Variants in NTF3 observed in about 807,000 individuals in gnomAD.
NTF3 encodes the protein neurotrophin 3.
A neutral mutation model predicts 26.3 loss-of-function variants in NTF3; 8 were observed. That is an observed-to-expected ratio of 0.30 (90% CI 0.18 to 0.55). NTF3 has a LOEUF of 0.55. Ranked by LOEUF, NTF3 falls within the 20% of genes least tolerant of loss-of-function variation. The pLI, the probability that NTF3 is intolerant of heterozygous loss-of-function variation, is 0.93. For synonymous variants in NTF3, 154 were observed against 145.5 expected (o/e 1.06, Z -0.42); for missense variants, 276 against 352.9 (o/e 0.78, Z 1.75).
chr12:5,466,414 AG>A (rs1386859711), intron 1 of NTF3, among the ~76,000 whole-genome samples: 2 of 152,210 alleles, frequency 1.3e-5, no homozygotes, highest in African/African-American at 4.8e-5. Flanking sequence ...CCAGCCTGCA[AG>A]GATAATGCTA....
chr12:5,458,946 A>G (rs968342797), intron 1 of NTF3, among the ~76,000 whole-genome samples: 3 of 152,110 alleles, frequency 2.0e-5, no homozygotes, highest in African/African-American at 4.8e-5. Context: ...CCCTTCTTCT[A>G]TTTTATAGGA....
At chr12:5,437,749 G>A (rs1040533827) in intron 1 of NTF3, among the ~76,000 whole-genome samples, 1 of 152,216 alleles carries the variant, frequency 6.6e-6, no homozygotes, top group African/African-American at 2.4e-5. Flanking sequence ...TTAAAAATGA[G>A]TTTGTTGGAA....
rs1413116082 is a variant in NTF3 at position 5,466,606 on chromosome 12, A to G, written c.19-27588A>G. Among the ~76,000 whole-genome samples, 5 of 152,216 alleles carry G rather than the reference A, an allele frequency of 3.3e-5. No homozygotes were observed. In the East Asian group the frequency reaches 9.6e-4, roughly 29 times the overall value. ...GACAAGCAAAGGGATAAGAGGGGAA[A>G]TGGGAACTCGAAATCTGCTCAAATG... On this transcript the variant is annotated intron_variant, in intron 1 of 1. Transcript: ENST00000423158.
chr12:5,473,941 G>A (rs550022165), intron 1 of NTF3, among the ~76,000 whole-genome samples: 2 of 152,236 alleles, frequency 1.3e-5, no homozygotes, highest in Non-Finnish European at 2.9e-5. Context: ...CCTCACATGC[G>A]CATCTTCAGT....
rs1292737628 is a variant in NTF3 at position 5,432,281 on chromosome 12, T to G, written c.-44T>G. 2 of 1,612,854 alleles carry G rather than the reference T, an allele frequency of 1.2e-6. No individual in the cohort carries two copies. Among genetic ancestry groups the G allele is most frequent in the Admixed American group, 3.3e-5 (2 of 60,004 alleles). ...TTGAATGACCGAGCTCGCGTCCACCTTTCTCTTCATGTCGACGTCCCTGGA... is the reference window on the plus strand; with the variant it reads ...TTGAATGACCGAGCTCGCGTCCACCGTTCTCTTCATGTCGACGTCCCTGGA... On this transcript the variant is annotated 5_prime_UTR_variant, in exon 1 of 2. Transcript: ENST00000423158.
At chr12:5,492,591 C>CT (rs1940951515) in intron 1 of NTF3, among the ~76,000 whole-genome samples, 1 of 152,208 alleles carries the variant, frequency 6.6e-6, no homozygotes, top group Non-Finnish European at 1.5e-5. Flanking sequence ...AGAGTCATCT[C>CT]TAAGGGTGAG....
At chr12:5,450,641 C>A (rs1480729723) in intron 1 of NTF3, among the ~76,000 whole-genome samples, 2 of 152,196 alleles carry the variant, frequency 1.3e-5, no homozygotes, top group Non-Finnish European at 2.9e-5. Context: ...GGGAACAGTG[C>A]TCAGCCCTCT....
At chr12:5,447,434 T>C (rs1357938080) in intron 1 of NTF3, among the ~76,000 whole-genome samples, 2 of 152,236 alleles carry the variant, frequency 1.3e-5, no homozygotes, top group Non-Finnish European at 2.9e-5. Flanking sequence ...AAAAATGTTC[T>C]TCAGGCTATT....
chr12:5,474,138 G>T (rs1027472649), intron 1 of NTF3, among the ~76,000 whole-genome samples: 14 of 152,214 alleles, frequency 9.2e-5, no homozygotes, highest in African/African-American at 3.4e-4. Flanking sequence ...CATATTTCAG[G>T]CTTCTTAAGA....
intron 1 of NTF3, among the ~76,000 whole-genome samples, chr12:5,466,189 C>T (rs1052579473): frequency 6.6e-6 from 1 of 152,220 alleles, no homozygotes; most frequent in African/African-American, 2.4e-5. Flanking sequence ...CAGAGCTTTA[C>T]ATCCATCCTT....
rs908199313 is a variant in NTF3 at position 5,470,073 on chromosome 12, C to T, written c.19-24121C>T. On this transcript the variant is annotated intron_variant, in intron 1 of 1. Transcript: ENST00000423158. ...CTGAGTAGCTGGGACTACAGGTGCC[C>T]GCCACCATGCCTGGCTAATTTTTTG... 5.9e-5 allele frequency among the ~76,000 whole-genome samples: 9 copies of T among 152,194 alleles called. No homozygotes were observed. The South Asian group carries it at 1.5e-3, about 25-fold the overall frequency.
intron 1 of NTF3, among the ~76,000 whole-genome samples, chr12:5,489,646 G>A (rs902823498): frequency 2.0e-5 from 3 of 152,306 alleles, no homozygotes; most frequent in East Asian, 3.9e-4. Context: ...CTTCACACAT[G>A]TGCAGCAAGA....
chr12:5,461,604 C>T (rs1234816337), intron 1 of NTF3, among the ~76,000 whole-genome samples: 1 of 152,050 alleles, frequency 6.6e-6, no homozygotes, highest in Non-Finnish European at 1.5e-5. Context: ...ACCACCCTCC[C>T]GCCATGTCCT....
intron 1 of NTF3, among the ~76,000 whole-genome samples, chr12:5,471,547 C>T (rs1387579914): frequency 1.3e-5 from 2 of 152,200 alleles, no homozygotes; most frequent in South Asian, 4.2e-4. Flanking sequence ...GAGGCAGCTT[C>T]GGTGCTGGCT....
At chr12:5,451,925 C>T (rs894019300) in intron 1 of NTF3, among the ~76,000 whole-genome samples, 10 of 152,014 alleles carry the variant, frequency 6.6e-5, no homozygotes, top group African/African-American at 1.9e-4. Flanking sequence ...ACTCCTGGCC[C>T]GAAGCAATCC....
intron 1 of NTF3, among the ~76,000 whole-genome samples, chr12:5,487,366 G>C (rs1321310449): frequency 6.6e-6 from 1 of 152,228 alleles, no homozygotes; most frequent in Non-Finnish European, 1.5e-5. Flanking sequence ...GAAACTCACA[G>C]CTTTCTATCT....
Position 5,456,275 on chromosome 12 carries a change from G to A in NTF3, c.18+23933G>A, listed in dbSNP as rs1323105563. Among the ~76,000 whole-genome samples the A allele has an allele frequency of 1.3e-5, 2 of 152,120 alleles. No homozygotes were observed. Among genetic ancestry groups the A allele is most frequent in the African/African-American group, 4.8e-5 (2 of 41,430 alleles). ...CACATTTCCAAATGCCCTTTAGTAG[G>A]GCAGTGACAGCCCTTTTGAGAATCA... On this transcript the variant is annotated intron_variant, in intron 1 of 1. Coordinates refer to ENST00000423158, the MANE Select transcript of NTF3 (RefSeq NM_001102654.2). This position sits in a 1 kb window ranked among gnomAD's most constrained non-coding sequence, Gnocchi z 4.4.
chr12:5,452,681 T>C (rs1326274253), intron 1 of NTF3, among the ~76,000 whole-genome samples: 1 of 152,170 alleles, frequency 6.6e-6, no homozygotes, highest in Admixed American at 6.5e-5. Context: ...CCGGGGCTGA[T>C]GGTTACCACA....
At chr12:5,489,886 G>A (rs1444601407) in intron 1 of NTF3, among the ~76,000 whole-genome samples, 2 of 152,206 alleles carry the variant, frequency 1.3e-5, no homozygotes, top group African/African-American at 2.4e-5. Flanking sequence ...AGCCAAAAAG[G>A]AGGAATCAGA....
Sources: gnomAD v4.1 joint callset for allele counts (sites outside exome capture counted in the v4.1 genomes callset) on GRCh38, gnomAD v4.1.1 for gene constraint, Gnocchi (gnomAD v3.1) non-coding constraint, MANE v1.5 for transcripts, NCBI Gene and HGNC (gene_info 2026-07-23, HGNC 2026-07-21) for gene names.